Variants in PCCA observed in about 807,000 individuals in gnomAD.
PCCA encodes propionyl-CoA carboxylase alpha chain, mitochondrial.
In PCCA, 74 loss-of-function variants were observed where a neutral mutation model predicts 101.3. That is an observed-to-expected ratio of 0.73 (90% CI 0.61 to 0.89). The LOEUF (loss-of-function observed/expected upper bound fraction) is 0.89. PCCA is among the 40% of genes least tolerant of loss of function. The pLI, the probability that PCCA is intolerant of heterozygous loss-of-function variation, is 0.00. For synonymous variants in PCCA, 294 were observed against 313.6 expected, an observed-to-expected ratio of 0.94 and a Z score of 0.66; for missense variants, 891 against 907.0, an observed-to-expected ratio of 0.98 and a Z score of 0.23.
intron 22 of PCCA, among the ~76,000 whole-genome samples, chr13:100,521,723 C>T (rs746337469): frequency 8.5e-5 from 13 of 152,096 alleles, no homozygotes; most frequent in Non-Finnish European, 1.8e-4. Context: ...ATCTAAGGGC[C>T]TTAAAATGTG....
chr13:100,250,610 C>G (rs1024415871), intron 8 of PCCA, among the ~76,000 whole-genome samples: 12 of 151,892 alleles, frequency 7.9e-5, no homozygotes, highest in African/African-American at 2.7e-4. Flanking sequence ...GTCTTCATTT[C>G]TGGGTTTCTT....
rs906351982 is a variant in PCCA, at chr13:100,485,408, C to T, written c.1900-30019C>T. ...TTTCTGGATCCATGTTGAAATTGAA[C>T]GCAGATAGCACAACCATATTATAAC... On this transcript the variant is annotated intron_variant, in intron 21 of 23. Transcript: ENST00000376285. Among the ~76,000 whole-genome samples the T allele has an allele frequency of 3.9e-5, 6 of 152,176 alleles. No homozygotes were observed. The South Asian group carries it at 6.2e-4, about 16-fold the overall frequency.
chr13:100,246,568 T>A (rs1401687828), intron 8 of PCCA, among the ~76,000 whole-genome samples: 1 of 152,116 alleles, frequency 6.6e-6, no homozygotes, highest in East Asian at 1.9e-4. Flanking sequence ...GCTCTACTGA[T>A]CCTCCTGCTT....
At chr13:100,090,632 A>G (rs374673868) in intron 1 of PCCA, among the ~76,000 whole-genome samples, 145 of 152,342 alleles carry the variant, frequency 9.5e-4, no homozygotes, top group African/African-American at 3.4e-3. Flanking sequence ...GGAGACTGTA[A>G]CAAGTGTAAA....
At chr13:100,330,734 C>A in intron 17 of PCCA, 63 bp downstream of exon 17, 1 of 943,798 alleles carries the variant, frequency 1.1e-6, no homozygotes, top group Non-Finnish European at 1.7e-6. Context: ...TATTGTAATA[C>A]ATAATTTCAC....
At chr13:100,368,059 A>G (rs1055863403) in intron 18 of PCCA, among the ~76,000 whole-genome samples, 1 of 152,202 alleles carries the variant, frequency 6.6e-6, no homozygotes, top group Admixed American at 6.5e-5. Context: ...AAGTAGAATA[A>G]TGTAGAGAGG....
rs78569529 is a variant in PCCA, at chr13:100,484,630, T to A, written c.1900-30797T>A. ...AGATATATTTGGCATATGTAGAATT[T>A]GAGAGTCCACTATTGATACCAGTTT... On this transcript the variant is annotated intron_variant, in intron 21 of 23. Coordinates refer to ENST00000376285, the MANE Select transcript of PCCA (RefSeq NM_000282.4). 8.4e-3 allele frequency among the ~76,000 whole-genome samples: 1,286 copies of A among 152,360 alleles called. 57 individuals carry two copies. Among genetic ancestry groups the A allele is most frequent in the Admixed American group, 0.064 (972 of 15,298 alleles).
At position 100,229,511 on chromosome 13, in the gene PCCA, G is replaced by T. The variant is rs368749021; in HGVS notation, c.601-6331G>T. ...TATTTGCCCTGGCATGCTTATACTGGTCCAAGCAAGCATTAAGTCATAGCC... is the reference window on the plus strand; with the variant it reads ...TATTTGCCCTGGCATGCTTATACTGTTCCAAGCAAGCATTAAGTCATAGCC... On this transcript the variant is annotated intron_variant, in intron 7 of 23. Transcript: ENST00000376285. Among the ~76,000 whole-genome samples the T allele has an allele frequency of 9.6e-4, 146 of 152,322 alleles. 4 individuals are homozygous for T. The South Asian group carries it at 0.028, about 29-fold the overall frequency.
At chr13:100,196,658 T>C (rs1421207209) in intron 6 of PCCA, among the ~76,000 whole-genome samples, 1 of 152,354 alleles carries the variant, frequency 6.6e-6, no homozygotes, top group East Asian at 1.9e-4. Context: ...TAAGTCATAG[T>C]GTACAGTGTA....
At chr13:100,111,072 C>T (rs909232034) in intron 2 of PCCA, among the ~76,000 whole-genome samples, 3 of 150,928 alleles carry the variant, frequency 2.0e-5, no homozygotes, top group Non-Finnish European at 4.4e-5. Context: ...AGTGCAGTGG[C>T]GTGATCTCAG....
At chr13:100,517,293 G>A (rs1033882192) in intron 22 of PCCA, among the ~76,000 whole-genome samples, 7 of 152,280 alleles carry the variant, frequency 4.6e-5, no homozygotes, top group East Asian at 1.9e-4. Context: ...CCAGATCAGC[G>A]CAGCCTTCTG....
At chr13:100,251,805 A>G (rs914615661) in intron 8 of PCCA, among the ~76,000 whole-genome samples, 1 of 152,270 alleles carries the variant, frequency 6.6e-6, no homozygotes. Context: ...AGGATACAAT[A>G]TCAACTATGT....
chr13:100,249,712 T>G (rs762270838), intron 8 of PCCA, among the ~76,000 whole-genome samples: 36 of 152,206 alleles, frequency 2.4e-4, no homozygotes, highest in Non-Finnish European at 3.7e-4. Flanking sequence ...CCATGTACAT[T>G]GATTATCTCT....
chr13:100,353,023 C>A (rs1294391717), intron 18 of PCCA, among the ~76,000 whole-genome samples: 1 of 152,084 alleles, frequency 6.6e-6, no homozygotes, highest in African/African-American at 2.4e-5. Context: ...AAATATTGTT[C>A]AAGACAAAAT....
At chr13:100,343,878 C>A (rs2071773252) in intron 18 of PCCA, among the ~76,000 whole-genome samples, 1 of 152,132 alleles carries the variant, frequency 6.6e-6, no homozygotes, top group Non-Finnish European at 1.5e-5. Context: ...AGTTCGCGAC[C>A]AACCTGGCCA....
intron 12 of PCCA, among the ~76,000 whole-genome samples, chr13:100,278,725 G>A (rs1162373409): frequency 1.3e-5 from 2 of 152,086 alleles, no homozygotes; most frequent in Admixed American, 6.5e-5. Flanking sequence ...TGATCCACCT[G>A]CCTGGGCCTA....
chr13:100,093,252 AC>A (rs2152211099), intron 1 of PCCA, among the ~76,000 whole-genome samples: 1 of 152,338 alleles, frequency 6.6e-6, no homozygotes, highest in East Asian at 1.9e-4. Context: ...GGCCAGGGAT[AC>A]GAGGCTAGAG....
At chr13:100,155,162 T>TAAA in intron 5 of PCCA, 70 bp downstream of exon 5, 3 of 808,788 alleles carry the variant, frequency 3.7e-6, no homozygotes, top group Admixed American at 2.1e-5. Context: ...AGTTTGTATT[T>TAAA]AAAAAAAAAA....
chr13:100,388,980 A>G (rs1283755658), intron 19 of PCCA, among the ~76,000 whole-genome samples: 1 of 152,208 alleles, frequency 6.6e-6, no homozygotes, highest in African/African-American at 2.4e-5. Flanking sequence ...TAGTTGTAAT[A>G]TAACAGCTGT....
Sources: allele counts gnomAD v4.1 joint callset (sites outside exome capture counted in the v4.1 genomes callset), GRCh38; gene constraint gnomAD v4.1.1; transcripts MANE v1.5; gene names NCBI Gene and HGNC (gene_info 2026-07-23, HGNC 2026-07-21).